Variants in DLG2 observed in about 807,000 individuals in gnomAD.
DLG2 encodes discs large MAGUK scaffold protein 2.
A neutral mutation model predicts 132.5 loss-of-function variants in DLG2; 45 were observed. The ratio of observed to expected loss-of-function variants is 0.34; its 90% confidence interval spans 0.27 to 0.44. The LOEUF is 0.44. Ranked by LOEUF, DLG2 falls within the 20% of genes least tolerant of loss-of-function variation. The pLI is 1.00. For missense variants in DLG2, 1,045 were observed against 1,196.9 expected (o/e 0.87, Z 1.87); for synonymous variants, 424 against 419.6 (o/e 1.01, Z -0.13).
At chr11:85,157,435 G>C (rs747358566) in intron 4 of DLG2, among the ~76,000 whole-genome samples, 1 of 151,710 alleles carries the variant, frequency 6.6e-6, no homozygotes, top group Non-Finnish European at 1.5e-5. Flanking sequence ...GGCATGAACT[G>C]TTTAGAGAGT....
chr11:85,296,923 ATAT>A (rs1264333564), intron 3 of DLG2, among the ~76,000 whole-genome samples: 1 of 150,194 alleles, frequency 6.7e-6, no homozygotes, highest in African/African-American at 2.4e-5. Flanking sequence ...TGATACAATC[ATAT>A]TATAATTTAT....
At chr11:84,521,060 C>T (rs2099297422) in intron 7 of DLG2, among the ~76,000 whole-genome samples, 1 of 152,140 alleles carries the variant, frequency 6.6e-6, no homozygotes, top group South Asian at 2.1e-4. Context: ...AAAACTATCT[C>T]ATCAGAATTT....
intron 6 of DLG2, among the ~76,000 whole-genome samples, chr11:85,067,966 C>T (rs535657304): frequency 2.0e-5 from 3 of 152,188 alleles, no homozygotes; most frequent in African/African-American, 7.2e-5. Context: ...ATCAAGTGGG[C>T]TTCGTCCCTG....
At position 84,179,426 on chromosome 11, in the gene DLG2, A is replaced by G. The variant is rs949069557; in HGVS notation, c.574-15915T>C. On this transcript the variant is annotated intron_variant, in intron 8 of 27. Coordinates refer to ENST00000376104, the MANE Select transcript of DLG2 (RefSeq NM_001142699.3). ...TCACCAATTATCAGAGCAAAAACCAATGGGCAGATACCTCTTTGGGAACCA... is the reference window on the plus strand; with the variant it reads ...TCACCAATTATCAGAGCAAAAACCAGTGGGCAGATACCTCTTTGGGAACCA... 1.6e-4 allele frequency among the ~76,000 whole-genome samples: 24 copies of G among 152,112 alleles called. 1 individual carries two copies. Among genetic ancestry groups the G allele is most frequent in the African/African-American group, 5.3e-4 (22 of 41,428 alleles).
intron 3 of DLG2, among the ~76,000 whole-genome samples, chr11:85,548,743 G>C (rs115090847): frequency 0.015 from 2,216 of 152,248 alleles, 56 homozygotes; most frequent in African/African-American, 0.05. Flanking sequence ...CTGAGCTGCG[G>C]TGGGCTCCCC....
At chr11:83,961,109 G>A (rs2088609168) in intron 14 of DLG2, among the ~76,000 whole-genome samples, 1 of 151,996 alleles carries the variant, frequency 6.6e-6, no homozygotes, top group South Asian at 2.1e-4. Flanking sequence ...CATTCGTTGA[G>A]TACTTATAAT....
chr11:83,660,185 T>TAAGACATAA (rs1200022394), intron 18 of DLG2, among the ~76,000 whole-genome samples: 2 of 152,108 alleles, frequency 1.3e-5, no homozygotes, highest in Admixed American at 1.3e-4. Context: ...TTTTGAAAAA[T>TAAGACATAA]AAGACATAAC....
intron 18 of DLG2, among the ~76,000 whole-genome samples, chr11:83,762,891 T>C (rs1351714245): frequency 6.6e-6 from 1 of 152,204 alleles, no homozygotes; most frequent in Non-Finnish European, 1.5e-5. Flanking sequence ...AAGTATTAAA[T>C]TGTTATATGA....
chr11:83,941,444 G>A (rs911648025), intron 14 of DLG2, among the ~76,000 whole-genome samples: 3 of 151,286 alleles, frequency 2.0e-5, no homozygotes, highest in Non-Finnish European at 4.4e-5. Flanking sequence ...CAGGCTGGCT[G>A]GAGTGCAGGG....
intron 4 of DLG2, among the ~76,000 whole-genome samples, chr11:85,215,695 A>G (rs556318582): frequency 1.3e-4 from 20 of 152,130 alleles, no homozygotes; most frequent in South Asian, 1.0e-3. Flanking sequence ...CTAAAAGCCT[A>G]TTTTTCTTTG....
At chr11:84,078,781 C>A (rs2096862599) in intron 10 of DLG2, among the ~76,000 whole-genome samples, 1 of 152,144 alleles carries the variant, frequency 6.6e-6, no homozygotes, top group Non-Finnish European at 1.5e-5. Flanking sequence ...CATACTTTTT[C>A]AAGGCAATCT....
intron 18 of DLG2, among the ~76,000 whole-genome samples, chr11:83,736,047 C>A (rs766871311): frequency 2.0e-4 from 30 of 152,316 alleles, no homozygotes; most frequent in Non-Finnish European, 3.4e-4. Context: ...AACTACAGAT[C>A]TGTTAGGTCA....
At chr11:85,600,681 T>C (rs766378228) in intron 2 of DLG2, among the ~76,000 whole-genome samples, 3 of 152,252 alleles carry the variant, frequency 2.0e-5, no homozygotes, top group East Asian at 1.9e-4. Flanking sequence ...GGTTTGATTA[T>C]GTTGTCATAT....
At chr11:85,051,495 G>A (rs1403126594) in intron 6 of DLG2, among the ~76,000 whole-genome samples, 1 of 152,106 alleles carries the variant, frequency 6.6e-6, no homozygotes, top group Non-Finnish European at 1.5e-5. Context: ...TACGTGCCAA[G>A]CACTATGCTA....
chr11:85,471,577 A>G (rs1047465071), intron 3 of DLG2, among the ~76,000 whole-genome samples: 8 of 152,224 alleles, frequency 5.3e-5, no homozygotes, highest in Admixed American at 3.9e-4. Flanking sequence ...AATAGACTCA[A>G]TGGCTTAAGT....
chr11:84,690,323 T>C (rs984076394), intron 6 of DLG2, among the ~76,000 whole-genome samples: 5 of 151,934 alleles, frequency 3.3e-5, no homozygotes, highest in African/African-American at 1.2e-4. Context: ...TGGATGGATA[T>C]GTTATTTAAC....
At chr11:83,923,064 T>C (rs1406622977) in intron 15 of DLG2, among the ~76,000 whole-genome samples, 2 of 152,138 alleles carry the variant, frequency 1.3e-5, no homozygotes, top group Non-Finnish European at 2.9e-5. Context: ...ACATTGATTA[T>C]GATGACAAGA....
At chr11:84,568,837 A>G (rs905729434) in intron 6 of DLG2, among the ~76,000 whole-genome samples, 1 of 152,204 alleles carries the variant, frequency 6.6e-6, no homozygotes, top group African/African-American at 2.4e-5. Context: ...ATAGCTACTC[A>G]ACTCAGCCAA....
rs561001714 is a variant in DLG2 at position 85,415,928 on chromosome 11, G to A, written c.41-130563C>T. Among the ~76,000 whole-genome samples, 12 of 152,266 alleles carry A rather than the reference G, an allele frequency of 7.9e-5. No homozygotes were observed. In the South Asian group the frequency reaches 2.3e-3, roughly 29 times the overall value. On this transcript the variant is annotated intron_variant, in intron 3 of 27. Coordinates refer to ENST00000376104, the MANE Select transcript of DLG2 (RefSeq NM_001142699.3). ...TGTTGCCATTGCTTTTGGTGTTTTA[G>A]TCATGAAGTCTTGGCCCATGCCTAT... is the stretch of plus-strand genomic sequence containing the variant.
Sources: allele counts gnomAD v4.1 joint callset (sites outside exome capture counted in the v4.1 genomes callset), GRCh38; gene constraint gnomAD v4.1.1; transcripts MANE v1.5; gene names NCBI Gene and HGNC (gene_info 2026-07-23, HGNC 2026-07-21).